The following TMPRSS9 variants were observed in gnomAD, a reference collection of about 807,000 sequenced individuals.
TMPRSS9 encodes transmembrane protease serine 9.
A neutral mutation model predicts 111.4 loss-of-function variants in TMPRSS9; 113 were observed. The observed-to-expected ratio is 1.01, with a 90% CI of 0.87 to 1.19. The LOEUF (loss-of-function observed/expected upper bound fraction) is 1.19. TMPRSS9 is among the 50% of genes most tolerant of loss of function. The probability of loss-of-function intolerance (pLI) is 0.00; values close to 1 mark genes in which losing one functional copy is unlikely to be tolerated. For synonymous variants in TMPRSS9, 805 were observed against 659.1 expected (o/e 1.22, Z -3.39); for missense variants, 1,803 against 1,513.1 (o/e 1.19, Z -3.18).
intron 1 of TMPRSS9, among the ~76,000 whole-genome samples, chr19:2,393,334 A>G (rs1970638833): frequency 6.6e-6 from 1 of 151,882 alleles, no homozygotes; most frequent in Non-Finnish European, 1.5e-5. Flanking sequence ...GGAATGAACA[A>G]CTCCAGACAC....
At position 2,389,938 on chromosome 19, in the gene TMPRSS9, A is replaced by G. The variant is rs1003603117; in HGVS notation, c.142+11A>G. ...TGGGAGTCCTTTTGGGTAAGTGGCT[A>G]TGGGATTGGCTGGGTTCGCAATACA... is the stretch of plus-strand genomic sequence containing the variant. On this transcript the variant is annotated intron_variant, in intron 1 of 17. Coordinates refer to ENST00000648592, the Ensembl canonical transcript of TMPRSS9. 20 of 1,601,694 alleles carry G rather than the reference A, an allele frequency of 1.2e-5. No homozygotes were observed. The highest frequency in any genetic ancestry group is 2.2e-5 in the East Asian group (1 of 44,516).
At position 2,368,774 on chromosome 19, in the gene TMPRSS9, G is replaced by GTTTTTTTTTTTTTTTTTTTTTTTTTT. The variant is rs762761358; in HGVS notation, c.-26+8416_-26+8441dup. On this transcript the variant is annotated intron_variant, in intron 1 of 17. Transcript: ENST00000649857. ...TGCCAGGGCATCAAGGATAAACCCA[G>GTTTTTTTTTTTTTTTTTTTTTTTTTT]TTTTTTTTTTTTTTTTTTTTTTTTT... is the stretch of plus-strand genomic sequence containing the variant. Among the ~76,000 whole-genome samples the GTTTTTTTTTTTTTTTTTTTTTTTTTT allele has an allele frequency of 1.3e-4, 9 of 70,384 alleles. 3 individuals are homozygous for GTTTTTTTTTTTTTTTTTTTTTTTTTT. The highest frequency in any genetic ancestry group is 4.0e-4 in the Admixed American group (2 of 4,990). 46.2% of individuals were successfully genotyped at this position (70,384 alleles called of 152,430 possible). A position where few individuals can be genotyped will look rare whatever the true frequency, so the allele number is the denominator to read the frequency against.
At chr19:2,385,079 T>C (rs1970447983), upstream of TMPRSS9, among the ~76,000 whole-genome samples, 1 of 150,910 alleles carries the variant, frequency 6.6e-6, no homozygotes, top group Non-Finnish European at 1.5e-5. Flanking sequence ...GCGGATTACC[T>C]GAGGCCACCG....
intron 1 of TMPRSS9, among the ~76,000 whole-genome samples, chr19:2,394,450 G>C (rs1402898400): frequency 6.6e-6 from 1 of 152,142 alleles, no homozygotes; most frequent in African/African-American, 2.4e-5. Flanking sequence ...CACCATTTTA[G>C]TTGGAGATGA....
intron 14 of TMPRSS9, 104 bp downstream of exon 15, chr19:2,422,351 G>A (rs1380481586): frequency 1.1e-5 from 15 of 1,368,102 alleles, no homozygotes; most frequent in African/African-American, 1.5e-5. Flanking sequence ...AGGCCGAGGC[G>A]GGCGGATCAA....
intron 17 of TMPRSS9, 144 bp from the exon 19 acceptor site, chr19:2,425,783 C>A: frequency 3.9e-6 from 5 of 1,294,584 alleles, no homozygotes; most frequent in Non-Finnish European, 4.1e-6. Context: ...TGTCTGCCAC[C>A]TTTGCATTGA....
intron 1 of TMPRSS9, among the ~76,000 whole-genome samples, chr19:2,375,679 G>A (rs1488661411): frequency 6.6e-6 from 1 of 152,180 alleles, no homozygotes; most frequent in African/African-American, 2.4e-5. Context: ...ATGGGGAGAG[G>A]GAGTAAACAC....
rs778597717 is a variant in TMPRSS9 at position 2,410,373 on chromosome 19, C to T, written c.1233C>T (p.Asp411=). The T allele has an allele frequency of 9.6e-5, 155 of 1,613,834 alleles. 1 individual carries two copies. Among genetic ancestry groups the T allele is most frequent in the Non-Finnish European group, 1.0e-4 (121 of 1,180,000 alleles). Residue 411 remains aspartate, a synonymous_variant, in exon 9 of 18, where the codon GAC becomes GAT. Coordinates refer to ENST00000648592, the Ensembl canonical transcript of TMPRSS9. The stretch of plus-strand genomic sequence containing the variant: ...GGATGGTGTGCGCTGGCTACCTGGA[C>T]GGGAAGGTGGACTCCTGCCAGGTGA...
intron 1 of TMPRSS9, among the ~76,000 whole-genome samples, chr19:2,364,527 C>T (rs555907988): frequency 2.6e-5 from 4 of 151,974 alleles, no homozygotes; most frequent in South Asian, 4.2e-4. Context: ...AGATTACAGG[C>T]GGGAGCCACG....
intron 13 of TMPRSS9, among the ~76,000 whole-genome samples, chr19:2,420,620 C>T (rs1031539838): frequency 1.9e-4 from 29 of 152,138 alleles, no homozygotes; most frequent in Non-Finnish European, 4.0e-4. Context: ...GTTCTTCAAT[C>T]AGACTTCTGA....
At chr19:2,393,205 G>C (rs1365477945) in intron 1 of TMPRSS9, among the ~76,000 whole-genome samples, 9 of 152,114 alleles carry the variant, frequency 5.9e-5, no homozygotes, top group Non-Finnish European at 1.3e-4. Context: ...TTAATTCTCT[G>C]CGAGAAATCT....
chr19:2,381,364 G>T (rs1057187689), intron 1 of TMPRSS9, among the ~76,000 whole-genome samples: 1 of 145,764 alleles, frequency 6.9e-6, no homozygotes. Flanking sequence ...GTGTGTGTGC[G>T]TGTGTGTGTG....
chr19:2,364,721 C>A (rs1274079422), intron 1 of TMPRSS9, among the ~76,000 whole-genome samples: 2 of 152,014 alleles, frequency 1.3e-5, no homozygotes, highest in Non-Finnish European at 2.9e-5. Flanking sequence ...AACGGTGGCT[C>A]ACGCCTGTAA....
At chr19:2,415,732 T>C in exon 11 of TMPRSS9, 4 of 1,610,190 alleles carry the variant, frequency 2.5e-6, no homozygotes, top group Non-Finnish European at 3.4e-6. Context: ...CGGAGCTGCC[T>C]CCGGGGAGGT....
chr19:2,403,128 G>A (rs1309967392), exon 6 of TMPRSS9: 1 of 1,612,612 alleles, frequency 6.2e-7, no homozygotes, highest in Non-Finnish European at 8.5e-7. Flanking sequence ...GCCAGTGTGT[G>A]ACCAAGGTGA....
chr19:2,425,713 G>A, intron 17 of TMPRSS9: 2 of 1,165,642 alleles, frequency 1.7e-6, no homozygotes, highest in Non-Finnish European at 2.3e-6. Context: ...GGCAGAGCAG[G>A]CAGAGGCTGC....
At position 2,396,696 on chromosome 19, in the gene TMPRSS9, G is replaced by A. The variant is rs574473608; in HGVS notation, c.270+30G>A. 5.7e-6 allele frequency: 9 copies of A among 1,585,692 alleles called. No homozygotes were observed. In the African/African-American group the frequency reaches 1.2e-4, roughly 21 times the overall value. ...GGGTGGTCTGTGTTTGGGGGCCAGG[G>A]AGGAAGAGCGGGTGGCCGGGGGCTT... On this transcript the variant is annotated intron_variant, in intron 2 of 17. Transcript: ENST00000648592.
Position 2,424,990 on chromosome 19 carries a change from C to T in TMPRSS9, c.2718-12C>T, listed in dbSNP as rs569666096. Reference sequence around the variant, plus strand: ...GGGCTCGGGCCGACGCCTGTCCTCGCGCGCCCCGCAGCTACGGGGACCCCA... The same window carrying T: ...GGGCTCGGGCCGACGCCTGTCCTCGTGCGCCCCGCAGCTACGGGGACCCCA... On this transcript the variant is annotated splice_polypyrimidine_tract_variant and intron_variant, in intron 15 of 17. Transcript: ENST00000648592. 4 of 1,506,706 alleles carry T rather than the reference C, an allele frequency of 2.7e-6. No homozygotes were observed. Among genetic ancestry groups the T allele is most frequent in the South Asian group, 2.5e-5 (2 of 81,620 alleles). 93.3% of individuals were successfully genotyped at this position (1,506,706 alleles called of 1,614,324 possible). A position where few individuals can be genotyped will look rare whatever the true frequency, so the allele number is the denominator to read the frequency against.
rs1484461877 is a variant in TMPRSS9, at chr19:2,418,322, C to CCTTTCCTTCT, written c.2154+186_2154+187insTTCCTTCTCT. Among the ~76,000 whole-genome samples the CCTTTCCTTCT allele has an allele frequency of 1.2e-4, 6 of 48,014 alleles. No individual in the cohort carries two copies. In the East Asian group the frequency reaches 5.0e-3, roughly 40 times the overall value. The allele number at this position is 48,014 out of a possible 152,430, so 31.5% of individuals were successfully genotyped here. On this transcript the variant is annotated intron_variant, in intron 13 of 17. Coordinates refer to ENST00000648592, the Ensembl canonical transcript of TMPRSS9. ...TTCCCTCCCTTTCCCTCCCTCCCTC[C>CCTTTCCTTCT]CTCCCTCCCTTTCCTTCCCTCCCTT...
Sources: allele counts gnomAD v4.1 joint callset (sites outside exome capture counted in the v4.1 genomes callset), GRCh38; gene constraint gnomAD v4.1.1; transcripts MANE v1.5; gene names NCBI Gene and HGNC (gene_info 2026-07-23, HGNC 2026-07-21).